Variants in ERBB4 observed in about 807,000 individuals in gnomAD.
ERBB4 encodes the protein erb-b2 receptor tyrosine kinase 4, also known as receptor tyrosine-protein kinase erbB-4.
In ERBB4, 42 loss-of-function variants were observed where a neutral mutation model predicts 158.0. That is an observed-to-expected ratio of 0.27 (90% CI 0.21 to 0.34). The LOEUF is 0.34. Ranked by LOEUF, ERBB4 falls within the 10% of genes least tolerant of loss-of-function variation. The pLI, the probability that ERBB4 is intolerant of heterozygous loss-of-function variation, is 1.00. For missense variants in ERBB4, 1,333 were observed against 1,624.1 expected (o/e 0.82, Z 3.08); for synonymous variants, 583 against 558.7 (o/e 1.04, Z -0.61).
At chr2:211,561,852 G>T in intron 20 of ERBB4, 51 bp downstream of exon 20, 1 of 1,488,692 alleles carries the variant, frequency 6.7e-7, no homozygotes, top group Non-Finnish European at 9.4e-7. Flanking sequence ...TTCCAGGTTA[G>T]GAAATATTAA....
At chr2:211,768,377 C>T (rs1559500561) in intron 4 of ERBB4, among the ~76,000 whole-genome samples, 2 of 152,156 alleles carry the variant, frequency 1.3e-5, no homozygotes, top group African/African-American at 2.4e-5. Context: ...AGGATGGTGG[C>T]CCTCTTCTCA....
chr2:212,224,137 CTA>C (rs932531495), intron 1 of ERBB4, among the ~76,000 whole-genome samples: 1 of 151,696 alleles, frequency 6.6e-6, no homozygotes, highest in African/African-American at 2.4e-5. Flanking sequence ...TGCATTTTTG[CTA>C]TGATTTTTGT....
chr2:212,414,115 AT>A (rs1225697104), intron 1 of ERBB4, among the ~76,000 whole-genome samples: 1 of 152,188 alleles, frequency 6.6e-6, no homozygotes, highest in Non-Finnish European at 1.5e-5. Flanking sequence ...AAACAAAAAT[AT>A]TCAAAAACAA....
At chr2:211,562,859 C>T (rs2067441343) in intron 19 of ERBB4, among the ~76,000 whole-genome samples, 1 of 147,790 alleles carries the variant, frequency 6.8e-6, no homozygotes, top group African/African-American at 2.6e-5. Flanking sequence ...GCAAGCTCCG[C>T]CTCCCGGGTT....
chr2:211,634,971 C>G (rs932698646), intron 16 of ERBB4, among the ~76,000 whole-genome samples: 1 of 152,116 alleles, frequency 6.6e-6, no homozygotes, highest in Non-Finnish European at 1.5e-5. Flanking sequence ...CACTCCAGGC[C>G]TTGAATGTGA....
intron 5 of ERBB4, among the ~76,000 whole-genome samples, chr2:211,747,287 T>G (rs1463512761): frequency 2.0e-5 from 3 of 152,184 alleles, no homozygotes; most frequent in Non-Finnish European, 1.5e-5. Context: ...GAGGCTTTCC[T>G]GTGCATTGCA....
chr2:211,987,138 T>C (rs2081958137), intron 2 of ERBB4, among the ~76,000 whole-genome samples: 1 of 151,816 alleles, frequency 6.6e-6, no homozygotes, highest in African/African-American at 2.4e-5. Context: ...CTAGCCAACA[T>C]AGCAAAACCT....
Position 211,376,642 on chromosome 2 carries a change from G to A in ERBB4, c.*6973C>T. The A allele has an allele frequency of 4.3e-6, 1 of 232,956 alleles. No homozygotes were observed. The highest frequency in any genetic ancestry group is 8.5e-6 in the Non-Finnish European group (1 of 117,580). 14.4% of individuals were successfully genotyped at this position (232,956 alleles called of 1,614,324 possible). ...CTTAAGCCTCTGCCTTTTCAGTAAA[G>A]TGACTCCCTCTCTCACCCAAACTGA... On this transcript the variant is annotated 3_prime_UTR_variant, in exon 28 of 28. Transcript: ENST00000342788.
chr2:212,436,283 G>T (rs1040187801), intron 1 of ERBB4, among the ~76,000 whole-genome samples: 1 of 151,858 alleles, frequency 6.6e-6, no homozygotes, highest in South Asian at 2.1e-4. Flanking sequence ...GTTTATATCC[G>T]CTATAGATCA....
intron 2 of ERBB4, among the ~76,000 whole-genome samples, chr2:211,954,336 C>T (rs1455185580): frequency 6.6e-6 from 1 of 151,908 alleles, no homozygotes; most frequent in Non-Finnish European, 1.5e-5. Flanking sequence ...ACTCTTATTC[C>T]TAGATTTTTT....
At chr2:211,573,777 G>A (rs2067811204) in intron 19 of ERBB4, among the ~76,000 whole-genome samples, 1 of 152,186 alleles carries the variant, frequency 6.6e-6, no homozygotes, top group South Asian at 2.1e-4. Flanking sequence ...TGGACTGGAT[G>A]AGGACTCATA....
chr2:211,976,217 A>G (rs1468038496), intron 2 of ERBB4, among the ~76,000 whole-genome samples: 2 of 152,196 alleles, frequency 1.3e-5, no homozygotes, highest in Admixed American at 1.3e-4. Flanking sequence ...AATCTGTAAT[A>G]AAGTATAACT....
intron 19 of ERBB4, among the ~76,000 whole-genome samples, chr2:211,610,243 G>C (rs2069144374): frequency 6.6e-6 from 1 of 151,944 alleles, no homozygotes; most frequent in Non-Finnish European, 1.5e-5. Context: ...TGTGCCTATT[G>C]CAATTATCAC....
chr2:211,682,063 C>T (rs1432544106), intron 12 of ERBB4, among the ~76,000 whole-genome samples: 1 of 146,942 alleles, frequency 6.8e-6, no homozygotes, highest in African/African-American at 2.6e-5. Context: ...CACACACACA[C>T]ACACACACAC....
At chr2:211,637,986 A>C (rs1049664561) in intron 16 of ERBB4, among the ~76,000 whole-genome samples, 5 of 151,990 alleles carry the variant, frequency 3.3e-5, no homozygotes, top group Admixed American at 6.6e-5. Flanking sequence ...TTTTATATTT[A>C]GTTATATCTT....
At chr2:212,097,916 T>C (rs1162836936) in intron 2 of ERBB4, among the ~76,000 whole-genome samples, 1 of 152,152 alleles carries the variant, frequency 6.6e-6, no homozygotes, top group African/African-American at 2.4e-5. Flanking sequence ...TAGACAACAC[T>C]TTCTGGGGTC....
At chr2:212,379,821 G>A (rs1218640505) in intron 1 of ERBB4, among the ~76,000 whole-genome samples, 1 of 150,920 alleles carries the variant, frequency 6.6e-6, no homozygotes, top group African/African-American at 2.4e-5. Context: ...GTGTGTGTAT[G>A]TGTGTGTGTG....
chr2:212,011,794 T>A (rs1229893194), intron 2 of ERBB4, among the ~76,000 whole-genome samples: 1 of 152,034 alleles, frequency 6.6e-6, no homozygotes. Context: ...TGATGTGAAC[T>A]TCCTTCAGAA....
intron 1 of ERBB4, among the ~76,000 whole-genome samples, chr2:212,147,491 A>G (rs2080721344): frequency 6.6e-6 from 1 of 152,074 alleles, no homozygotes; most frequent in South Asian, 2.1e-4. Flanking sequence ...AGCACTCAGA[A>G]TGAGACATCA....
Sources: gnomAD v4.1 joint callset for allele counts (sites outside exome capture counted in the v4.1 genomes callset) on GRCh38, gnomAD v4.1.1 for gene constraint, MANE v1.5 for transcripts, NCBI Gene and HGNC (gene_info 2026-07-23, HGNC 2026-07-21) for gene names.